The following DHRS3 variants were observed in gnomAD, a reference collection of about 807,000 sequenced individuals.
DHRS3 encodes short-chain dehydrogenase/reductase 3.
Under a neutral mutation model 27.2 loss-of-function variants are expected in DHRS3, and 14 were observed. That is an observed-to-expected ratio of 0.52 (90% CI 0.34 to 0.81). DHRS3 has a LOEUF of 0.81. DHRS3 is among the 30% of genes least tolerant of loss of function. The probability of loss-of-function intolerance (pLI) is 0.01; values close to 1 mark genes in which losing one functional copy is unlikely to be tolerated. For missense variants in DHRS3, 322 were observed against 406.2 expected (o/e 0.79, Z 1.78); for synonymous variants, 165 against 175.9 (o/e 0.94, Z 0.49).
At chr1:12,607,537 T>A (rs1482644288) in intron 1 of DHRS3, among the ~76,000 whole-genome samples, 1 of 152,212 alleles carries the variant, frequency 6.6e-6, no homozygotes, top group Non-Finnish European at 1.5e-5. Context: ...CCCCTTCTCC[T>A]TCTGCCATGA....
At chr1:12,610,244 A>ATTTTTTTTT (rs113026130) in intron 1 of DHRS3, among the ~76,000 whole-genome samples, 1 of 142,502 alleles carries the variant, frequency 7.0e-6, no homozygotes, top group Non-Finnish European at 1.5e-5. Flanking sequence ...ATGCCCAGCA[A>ATTTTTTTTT]TTTTTTTTTT....
At chr1:12,570,863 T>A (rs1481698547) in intron 5 of DHRS3, among the ~76,000 whole-genome samples, 1 of 152,246 alleles carries the variant, frequency 6.6e-6, no homozygotes, top group Non-Finnish European at 1.5e-5. Flanking sequence ...CCCTTCCCTG[T>A]GCCTCTGAAA....
Position 12,617,516 on chromosome 1 carries a change from A to AAAAT in DHRS3, c.-169_-168insATTT. The AAAAT allele has an allele frequency of 5.9e-6, 2 of 337,146 alleles. No homozygotes were observed. The highest frequency in any genetic ancestry group is 1.0e-5 in the Non-Finnish European group (2 of 199,480). 20.9% of individuals were successfully genotyped at this position (337,146 alleles called of 1,614,324 possible). A position where few individuals can be genotyped will look rare whatever the true frequency, so the allele number is the denominator to read the frequency against. Reference sequence around the variant, plus strand: ...CCCAAATGCAAAGCACCGGGTGAGAAAAAGAAAAAAAAAAAAAAAAAAAAG... The same window carrying AAAAT: ...CCCAAATGCAAAGCACCGGGTGAGAAAAATAAAGAAAAAAAAAAAAAAAAAAAAG... On this transcript the variant is annotated 5_prime_UTR_variant, in exon 1 of 6. Transcript: ENST00000616661.
Position 12,591,902 on chromosome 1 carries a change from G to A in DHRS3, c.196-11236C>T, listed in dbSNP as rs1646749926. ...TCCCAGGGAATGAGGGAAAGGTGCG[G>A]TCATCATTCGGTCTTGATGACCAAG... On this transcript the variant is annotated intron_variant, in intron 1 of 5. Coordinates refer to ENST00000616661, the MANE Select transcript of DHRS3 (RefSeq NM_004753.7). This position sits in a 1 kb window ranked among gnomAD's most constrained non-coding sequence, Gnocchi z 4.1. 6.6e-6 allele frequency among the ~76,000 whole-genome samples: 1 copy of A among 152,242 alleles called. No homozygotes were observed. The highest frequency in any genetic ancestry group is 2.1e-4 in the South Asian group (1 of 4,836).
At chr1:12,581,357 C>T (rs958118786) in intron 1 of DHRS3, among the ~76,000 whole-genome samples, 1 of 152,116 alleles carries the variant, frequency 6.6e-6, no homozygotes, top group Non-Finnish European at 1.5e-5. Flanking sequence ...CTGGCTTCAC[C>T]GATTAGGTCT....
At chr1:12,604,368 T>C (rs1242057857) in intron 1 of DHRS3, among the ~76,000 whole-genome samples, 2 of 152,360 alleles carry the variant, frequency 1.3e-5, no homozygotes, top group Middle Eastern at 3.4e-3. Flanking sequence ...GCTATTACCC[T>C]GCTTGTCAGT....
In DHRS3 at chr1:12,570,564, C is replaced by G. The variant is rs1319305423; in HGVS notation, c.825-2140G>C. On this transcript the variant is annotated intron_variant, in intron 5 of 5. Transcript: ENST00000616661. ...GGGATGCAGTTCAGAGAATGGGGAG[C>G]GGGGTGGCTCCTGCTTCCTGTTCAA... 2.6e-5 allele frequency among the ~76,000 whole-genome samples: 4 copies of G among 152,268 alleles called. No individual in the cohort carries two copies. The East Asian group carries it at 7.7e-4, about 29-fold the overall frequency.
At chr1:12,616,810 A>T in intron 1 of DHRS3, 2 of 1,074,384 alleles carry the variant, frequency 1.9e-6, no homozygotes, top group Non-Finnish European at 2.3e-6. Flanking sequence ...GGGTGGCGGC[A>T]AGAAAAAGGG....
In DHRS3 at chr1:12,617,358, C is replaced by T; in HGVS notation, c.-10G>A. On this transcript the variant is annotated 5_prime_UTR_variant, in exon 1 of 6. Transcript: ENST00000616661. The stretch of plus-strand genomic sequence containing the variant: ...GCCGTTTCCACACCATCCTCCGCGC[C>T]GCGGAGCCGGGCAGGGGGCGAAACT... The T allele has an allele frequency of 1.3e-6, 2 of 1,594,632 alleles. No homozygotes were observed. Among genetic ancestry groups the T allele is most frequent in the Non-Finnish European group, 1.7e-6 (2 of 1,165,350 alleles).
chr1:12,614,825 T>G (rs958710109), intron 1 of DHRS3, among the ~76,000 whole-genome samples: 6 of 151,636 alleles, frequency 4.0e-5, no homozygotes, highest in African/African-American at 7.3e-5. Flanking sequence ...AGCTCTCAGA[T>G]GCAGCCTCCA....
At chr1:12,590,401 C>T (rs909535894) in intron 1 of DHRS3, among the ~76,000 whole-genome samples, 7 of 152,180 alleles carry the variant, frequency 4.6e-5, no homozygotes, top group African/African-American at 1.4e-4. Flanking sequence ...ACCTTCACCT[C>T]CTGGGTTCCA....
chr1:12,568,507 G>A (rs564425466), intron 5 of DHRS3, 83 bp from the exon 6 acceptor site: 21 of 1,350,194 alleles, frequency 1.6e-5, no homozygotes, highest in South Asian at 3.5e-5. Context: ...CATGTGAGAC[G>A]GGGCAGCAGA....
intron 1 of DHRS3, among the ~76,000 whole-genome samples, chr1:12,610,064 C>A (rs1007939329): frequency 1.9e-4 from 29 of 151,932 alleles, no homozygotes; most frequent in Admixed American, 6.6e-5. Context: ...AATGACAATT[C>A]AATGTTCTGT....
At position 12,603,515 on chromosome 1, in the gene DHRS3, G is replaced by A. The variant is rs534967983; in HGVS notation, c.195+13639C>T. On this transcript the variant is annotated intron_variant, in intron 1 of 5. Transcript: ENST00000616661. ...GAACCCTCCCTGCTCCATCTCCCACGTGGCCCTACCTTCTTGGGGCCTCTA... is the reference window on the plus strand; with the variant it reads ...GAACCCTCCCTGCTCCATCTCCCACATGGCCCTACCTTCTTGGGGCCTCTA... Among the ~76,000 whole-genome samples, 17 of 152,226 alleles carry A rather than the reference G, an allele frequency of 1.1e-4. No individual in the cohort carries two copies. In the East Asian group the frequency reaches 2.3e-3, roughly 21 times the overall value.
intron 1 of DHRS3, among the ~76,000 whole-genome samples, chr1:12,590,069 C>T (rs1400871539): frequency 3.3e-5 from 5 of 152,046 alleles, no homozygotes; most frequent in East Asian, 1.9e-4. Flanking sequence ...CCTTTTTCTA[C>T]GTCCCCAAGC....
chr1:12,610,328 G>C (rs879754611), intron 1 of DHRS3, among the ~76,000 whole-genome samples: 15 of 151,610 alleles, frequency 9.9e-5, no homozygotes, highest in East Asian at 5.8e-4. Flanking sequence ...CTGACCTCAA[G>C]TGTTCCGCCT....
chr1:12,602,873 G>A (rs868314634), intron 1 of DHRS3, among the ~76,000 whole-genome samples: 1 of 152,266 alleles, frequency 6.6e-6, no homozygotes, highest in Non-Finnish European at 1.5e-5. Flanking sequence ...GGCCGGAGCC[G>A]GCCTCTACCG....
chr1:12,598,878 G>C (rs1646817573), intron 1 of DHRS3, among the ~76,000 whole-genome samples: 1 of 152,200 alleles, frequency 6.6e-6, no homozygotes, highest in Non-Finnish European at 1.5e-5. Context: ...CCTCAGAGCT[G>C]CTAGCAGAAG....
At chr1:12,572,665 C>T in intron 5 of DHRS3, 63 bp downstream of exon 5, 7 of 1,548,574 alleles carry the variant, frequency 4.5e-6, no homozygotes, top group Non-Finnish European at 6.1e-6. Flanking sequence ...CCGCAGCAGA[C>T]ATGACTAATA....
Sources: gnomAD v4.1 joint callset for allele counts (sites outside exome capture counted in the v4.1 genomes callset) on GRCh38, gnomAD v4.1.1 for gene constraint, Gnocchi (gnomAD v3.1) non-coding constraint, MANE v1.5 for transcripts, NCBI Gene and HGNC (gene_info 2026-07-23, HGNC 2026-07-21) for gene names.